Variants in VRK1 observed in about 807,000 individuals in gnomAD.
VRK1 encodes the protein VRK serine/threonine kinase 1.
Under a neutral mutation model 57.1 loss-of-function variants are expected in VRK1, and 33 were observed. That is an observed-to-expected ratio of 0.58 (90% CI 0.44 to 0.77). VRK1 has a LOEUF of 0.77. VRK1 is among the 30% of genes least tolerant of loss of function. The pLI is 0.00. For synonymous variants in VRK1, 137 were observed against 147.8 expected (o/e 0.93, Z 0.53); for missense variants, 413 against 477.3 (o/e 0.87, Z 1.25).
chr14:96,813,929 TAC>T (rs1281283900), intron 1 of VRK1, among the ~76,000 whole-genome samples: 1 of 152,200 alleles, frequency 6.6e-6, no homozygotes, highest in African/African-American at 2.4e-5. Context: ...TATATAATGA[TAC>T]AGTCAGTATC....
intron 1 of VRK1, among the ~76,000 whole-genome samples, chr14:96,825,012 G>T (rs970393860): frequency 1.3e-5 from 2 of 152,130 alleles, no homozygotes; most frequent in Non-Finnish European, 2.9e-5. Flanking sequence ...TGATGGGAAG[G>T]ATCTAGTTGA....
At position 96,860,698 on chromosome 14, in the gene VRK1, T is replaced by G; in HGVS notation, c.1031T>G (p.Val344Gly). The G allele has an allele frequency of 6.2e-7, 1 of 1,613,242 alleles. No individual in the cohort carries two copies. Among genetic ancestry groups the G allele is most frequent in the Non-Finnish European group, 8.5e-7 (1 of 1,179,456 alleles). The change falls in exon 11 of 13, where the codon GTG (valine) becomes GGG (glycine). Residue 344 changes from valine (V) to glycine (G), a missense_variant. Physicochemically the swap from Val to Gly is moderately radical, Grantham distance 109 (BLOSUM62 -3). Coordinates refer to ENST00000216639, the MANE Select transcript of VRK1 (RefSeq NM_003384.3). ...GATGGCAAATTGGACCTCAGTGTTG[T>G]GGAGAATGGAGGTTTGAAAGCAAAA... ...KDDGKLDLSVVENGGLKAKTI... is the reference protein window; with the variant it reads ...KDDGKLDLSVGENGGLKAKTI...
intron 12 of VRK1, chr14:96,877,515 C>G: frequency 7.8e-7 from 1 of 1,289,380 alleles, no homozygotes; most frequent in Non-Finnish European, 1.0e-6. Flanking sequence ...GTGAGGAGTC[C>G]CAAGGAGCAA....
Position 96,820,273 on chromosome 14 carries a change from T to C in VRK1, c.-5-13194T>C, listed in dbSNP as rs114593367. ...GCTCAGCTTATGAGGCATCCACTTA[T>C]AGAGCTTTTTCACCTTCCCAATTTG... On this transcript the variant is annotated intron_variant, in intron 1 of 12. Transcript: ENST00000216639. 9.1e-3 allele frequency among the ~76,000 whole-genome samples: 1,390 copies of C among 152,292 alleles called. 19 individuals carry two copies. The highest frequency in any genetic ancestry group is 0.03 in the African/African-American group (1,227 of 41,554).
intron 1 of VRK1, among the ~76,000 whole-genome samples, chr14:96,812,222 A>G (rs1188567515): frequency 6.6e-6 from 1 of 152,176 alleles, no homozygotes; most frequent in Non-Finnish European, 1.5e-5. Context: ...TTTGACTATT[A>G]TGATTAGTGC....
In VRK1 at chr14:96,811,410, A is replaced by G. The variant is rs557621673; in HGVS notation, c.-6+13963A>G. ...ATTCATCTTACTTGTCCCTACCTTC[A>G]GTTTCGTACTTGAACTTTTAAGAAT... On this transcript the variant is annotated intron_variant, in intron 1 of 12. Transcript: ENST00000216639. Among the ~76,000 whole-genome samples, 26 of 152,330 alleles carry G rather than the reference A, an allele frequency of 1.7e-4. No individual in the cohort carries two copies. The South Asian group carries it at 5.2e-3, about 30-fold the overall frequency.
At chr14:96,858,066 ATTG>A (rs1373056197) in intron 10 of VRK1, among the ~76,000 whole-genome samples, 1 of 150,134 alleles carries the variant, frequency 6.7e-6, no homozygotes, top group African/African-American at 2.5e-5. Flanking sequence ...TTTTTTTGTT[ATTG>A]TTGTTGTTTT....
At chr14:96,858,242 C>A (rs1888245757) in intron 10 of VRK1, among the ~76,000 whole-genome samples, 1 of 152,016 alleles carries the variant, frequency 6.6e-6, no homozygotes. Context: ...CAGGCACACG[C>A]CACCACACCT....
chr14:96,874,725 G>A (rs956969240), intron 11 of VRK1, among the ~76,000 whole-genome samples: 5 of 152,152 alleles, frequency 3.3e-5, no homozygotes, highest in Admixed American at 6.5e-5. Flanking sequence ...TTGAAACAGT[G>A]GGATTAATTG....
At chr14:96,825,246 TTC>T (rs1886756641) in intron 1 of VRK1, among the ~76,000 whole-genome samples, 1 of 152,152 alleles carries the variant, frequency 6.6e-6, no homozygotes, top group African/African-American at 2.4e-5. Flanking sequence ...CATCTGAAGT[TTC>T]TGTTTTCTCT....
At chr14:96,823,739 C>T (rs116297370) in intron 1 of VRK1, among the ~76,000 whole-genome samples, 9,568 of 152,182 alleles carry the variant, frequency 0.063, 347 homozygotes, top group South Asian at 0.11. Context: ...TTTGCAAATT[C>T]GAAACTCTAT....
chr14:96,806,361 C>T (rs1233719470), intron 1 of VRK1, among the ~76,000 whole-genome samples: 2 of 152,222 alleles, frequency 1.3e-5, no homozygotes, highest in Admixed American at 1.3e-4. Flanking sequence ...CATCACAGGA[C>T]TACTTCAAAT....
In VRK1 at chr14:96,877,547, C is replaced by G. The variant is rs769291599; in HGVS notation, c.1159+1427C>G. ...GCAATACATCGAAGCATGTCTCAGCCAGAGGCTAGCAGCAGCAGCTATGAC... is the reference window on the plus strand; with the variant it reads ...GCAATACATCGAAGCATGTCTCAGCGAGAGGCTAGCAGCAGCAGCTATGAC... On this transcript the variant is annotated intron_variant, in intron 12 of 12. Transcript: ENST00000216639. 7 of 1,289,446 alleles carry G rather than the reference C, an allele frequency of 5.4e-6. No individual in the cohort carries two copies. The South Asian group carries it at 8.6e-5, about 16-fold the overall frequency. 79.9% of individuals were successfully genotyped at this position (1,289,446 alleles called of 1,614,324 possible).
At chr14:96,847,836 A>G (rs12590169) in intron 5 of VRK1, among the ~76,000 whole-genome samples, 47,831 of 152,148 alleles carry the variant, frequency 0.31, 8,375 homozygotes, top group South Asian at 0.43. Context: ...AAAATGTTTG[A>G]AACAATTAGA....
At chr14:96,803,624 C>A (rs1885755858) in intron 1 of VRK1, among the ~76,000 whole-genome samples, 1 of 152,182 alleles carries the variant, frequency 6.6e-6, no homozygotes, top group South Asian at 2.1e-4. Flanking sequence ...ATACTCTCCA[C>A]CATTTAAGGT....
chr14:96,819,183 A>C (rs1381488105), intron 1 of VRK1, among the ~76,000 whole-genome samples: 1 of 152,238 alleles, frequency 6.6e-6, no homozygotes, highest in Non-Finnish European at 1.5e-5. Context: ...AATAAGTTTG[A>C]AATATAAATG....
intron 11 of VRK1, among the ~76,000 whole-genome samples, chr14:96,861,293 C>T (rs1438533766): frequency 6.6e-6 from 1 of 152,106 alleles, no homozygotes; most frequent in Non-Finnish European, 1.5e-5. Flanking sequence ...AAGTATTATA[C>T]AAGCATGTAA....
chr14:96,819,422 G>C (rs1191264462), intron 1 of VRK1, among the ~76,000 whole-genome samples: 1 of 152,196 alleles, frequency 6.6e-6, no homozygotes, highest in Non-Finnish European at 1.5e-5. Flanking sequence ...CAGTGGGTCA[G>C]TCTGTGCATC....
chr14:96,875,086 T>A (rs1888973161), intron 11 of VRK1, among the ~76,000 whole-genome samples: 1 of 152,212 alleles, frequency 6.6e-6, no homozygotes, highest in Non-Finnish European at 1.5e-5. Flanking sequence ...TTAAAATTTG[T>A]ATTTTAACCT....
Sources: allele counts gnomAD v4.1 joint callset (sites outside exome capture counted in the v4.1 genomes callset), GRCh38; gene constraint gnomAD v4.1.1; transcripts MANE v1.5; gene names NCBI Gene and HGNC (gene_info 2026-07-23, HGNC 2026-07-21).